Variants in PAPPA2 observed in about 807,000 individuals in gnomAD.
PAPPA2 encodes pappalysin-2.
A neutral mutation model predicts 176.4 loss-of-function variants in PAPPA2; 86 were observed. That is an observed-to-expected ratio of 0.49 (90% CI 0.41 to 0.58). PAPPA2 has a LOEUF of 0.58. PAPPA2 is among the 20% of genes least tolerant of loss of function. The pLI, the probability that PAPPA2 is intolerant of heterozygous loss-of-function variation, is 0.00. For synonymous variants in PAPPA2, 809 were observed against 852.2 expected, an observed-to-expected ratio of 0.95 and a Z score of 0.88; for missense variants, 2,073 against 2,256.9, an observed-to-expected ratio of 0.92 and a Z score of 1.65.
chr1:176,812,436 C>G (rs1353707145), intron 21 of PAPPA2, among the ~76,000 whole-genome samples: 1 of 152,166 alleles, frequency 6.6e-6, no homozygotes, highest in Non-Finnish European at 1.5e-5. Flanking sequence ...CTAGATTCTC[C>G]TCTTTTCACA....
chr1:176,543,763 A>G (rs190529709), intron 1 of PAPPA2, among the ~76,000 whole-genome samples: 57 of 152,312 alleles, frequency 3.7e-4, no homozygotes, highest in South Asian at 6.2e-4. Context: ...GTTGCCAGCA[A>G]GGGGTTGTAT....
At chr1:176,575,639 G>C (rs1350541525) in intron 2 of PAPPA2, among the ~76,000 whole-genome samples, 1 of 152,206 alleles carries the variant, frequency 6.6e-6, no homozygotes, top group African/African-American at 2.4e-5. Context: ...TGGAGATATG[G>C]CAGCAAACCA....
At chr1:176,770,646 T>C (rs1357468342) in intron 16 of PAPPA2, among the ~76,000 whole-genome samples, 1 of 152,214 alleles carries the variant, frequency 6.6e-6, no homozygotes, top group East Asian at 1.9e-4. Flanking sequence ...TTTAATGCTT[T>C]CTATGATAAC....
At chr1:176,715,735 T>C (rs1490009964) in intron 12 of PAPPA2, among the ~76,000 whole-genome samples, 2 of 152,144 alleles carry the variant, frequency 1.3e-5, no homozygotes, top group Non-Finnish European at 2.9e-5. Flanking sequence ...CTGGCAGGAA[T>C]TGGGGCAGTA....
chr1:176,549,983 T>C (rs1650850848), intron 1 of PAPPA2, among the ~76,000 whole-genome samples: 1 of 152,200 alleles, frequency 6.6e-6, no homozygotes, highest in African/African-American at 2.4e-5. Context: ...CCAAATCTCT[T>C]TGTGCTTTTT....
chr1:176,585,462 G>A (rs1653250462), intron 2 of PAPPA2, among the ~76,000 whole-genome samples: 1 of 152,022 alleles, frequency 6.6e-6, no homozygotes, highest in Non-Finnish European at 1.5e-5. Flanking sequence ...GCCTTGGAGA[G>A]GACTTGTTTG....
At position 176,602,749 on chromosome 1, in the gene PAPPA2, C is replaced by T. The variant is rs561693429; in HGVS notation, c.1991+7154C>T. ...CTGCCAGTTCCCTCACTTCAAAATT[C>T]ACAGGCAGTGTGAACTCTAGAGCAA... On this transcript the variant is annotated intron_variant, in intron 3 of 22. Coordinates refer to ENST00000367662, the MANE Select transcript of PAPPA2 (RefSeq NM_020318.3). Among the ~76,000 whole-genome samples, 4 of 152,028 alleles carry T rather than the reference C, an allele frequency of 2.6e-5. 1 individual carries two copies. Among genetic ancestry groups the T allele is most frequent in the Admixed American group, 1.3e-4 (2 of 15,280 alleles).
rs1192409900 is a variant in PAPPA2 at position 176,690,394 on chromosome 1, C to T, written c.2395C>T (p.Pro799Ser). Residue 799 changes from proline to serine, a missense_variant, in exon 5 of 23, where the codon CCA (proline) becomes TCA (serine). Transcript: ENST00000367662. ...TGACACCTGTGGCTTCACTCGCTTC[C>T]CAGGGGCTCCGTTCACCAACTACAT... ...TSDTCGFTRF[P>S]GAPFTNYMSY... The T allele has an allele frequency of 6.2e-7, 1 of 1,614,120 alleles. No individual in the cohort carries two copies. The highest frequency in any genetic ancestry group is 1.1e-5 in the South Asian group (1 of 91,078).
In PAPPA2 at chr1:176,652,134, G is replaced by T. The variant is rs530121707; in HGVS notation, c.1992-18836G>T. Among the ~76,000 whole-genome samples the T allele has an allele frequency of 2.9e-4, 44 of 151,560 alleles. 1 individual carries two copies. In the Middle Eastern group the frequency reaches 0.01, roughly 35 times the overall value. On this transcript the variant is annotated intron_variant, in intron 3 of 22. Coordinates refer to ENST00000367662, the MANE Select transcript of PAPPA2 (RefSeq NM_020318.3). ...GAGTTCACATAGAAGCATCTCATTA[G>T]GGTCAGTCACTGGTTCTTTGTTTTG...
At chr1:176,835,085 C>T (rs755938385) in intron 21 of PAPPA2, among the ~76,000 whole-genome samples, 83 of 152,290 alleles carry the variant, frequency 5.5e-4, no homozygotes, top group Non-Finnish European at 1.0e-3. Flanking sequence ...TACCAAGCCC[C>T]TTCTGTAAAG....
At chr1:176,820,874 C>T (rs1224565254) in intron 21 of PAPPA2, among the ~76,000 whole-genome samples, 1 of 152,100 alleles carries the variant, frequency 6.6e-6, no homozygotes, top group Non-Finnish European at 1.5e-5. Context: ...TGTTCTAACC[C>T]AGGAATGTAC....
Position 176,577,156 on chromosome 1 carries a change from C to T in PAPPA2, c.920-17368C>T, listed in dbSNP as rs115061585. 1.8e-3 allele frequency among the ~76,000 whole-genome samples: 277 copies of T among 152,250 alleles called. 1 individual carries two copies. The highest frequency in any genetic ancestry group is 6.4e-3 in the African/African-American group (264 of 41,544). On this transcript the variant is annotated intron_variant, in intron 2 of 22. Transcript: ENST00000367662. ...TTTATTGATACTGTGCCAGGAACCA[C>T]GCCAACTACCTTCTATGGGCATCAT...
intron 2 of PAPPA2, among the ~76,000 whole-genome samples, chr1:176,563,647 T>G (rs938726915): frequency 6.6e-6 from 1 of 152,198 alleles, no homozygotes; most frequent in African/African-American, 2.4e-5. Context: ...ACTCATACTT[T>G]AGAGCATTTC....
At chr1:176,679,051 T>G (rs1558514166) in intron 4 of PAPPA2, among the ~76,000 whole-genome samples, 3 of 151,864 alleles carry the variant, frequency 2.0e-5, no homozygotes, top group African/African-American at 7.3e-5. Flanking sequence ...ATACATATAT[T>G]TATATATATG....
chr1:176,840,376 A>G, intron 22 of PAPPA2, 105 bp downstream of exon 22: 1 of 863,410 alleles, frequency 1.2e-6, no homozygotes, highest in South Asian at 1.6e-5. Context: ...TTTGTATTCA[A>G]CAATTAGGAG....
intron 5 of PAPPA2, chr1:176,690,742 TG>T: frequency 8.7e-7 from 1 of 1,151,582 alleles, no homozygotes; most frequent in Non-Finnish European, 1.1e-6. Flanking sequence ...TTCTAGAATG[TG>T]GTTATTCTTA....
chr1:176,560,037 AGCC>A (rs1003264558), intron 2 of PAPPA2, among the ~76,000 whole-genome samples: 19 of 152,300 alleles, frequency 1.2e-4, no homozygotes, highest in African/African-American at 4.6e-4. Context: ...GAGAGTAGGC[AGCC>A]ACGTAGTGGG....
At chr1:176,539,977 T>C (rs1650281722) in intron 1 of PAPPA2, among the ~76,000 whole-genome samples, 1 of 152,220 alleles carries the variant, frequency 6.6e-6, no homozygotes, top group African/African-American at 2.4e-5. Context: ...GTGGGTACTG[T>C]TCCAACCTTT....
intron 21 of PAPPA2, among the ~76,000 whole-genome samples, chr1:176,822,774 T>A (rs967888935): frequency 1.3e-5 from 2 of 152,218 alleles, no homozygotes; most frequent in African/African-American, 4.8e-5. Context: ...TGCAGATTAT[T>A]ATGAAATTTG....
Sources: allele counts gnomAD v4.1 joint callset (sites outside exome capture counted in the v4.1 genomes callset), GRCh38; gene constraint gnomAD v4.1.1; transcripts MANE v1.5; gene names NCBI Gene and HGNC (gene_info 2026-07-23, HGNC 2026-07-21).